FBXL17: variants seen among roughly 807,000 people sequenced by gnomAD.
FBXL17 encodes F-box/LRR-repeat protein 17.
In FBXL17, 22 loss-of-function variants were observed where a neutral mutation model predicts 66.2. The observed-to-expected ratio is 0.33, with a 90% CI of 0.24 to 0.47. FBXL17 has a LOEUF of 0.47. Among genes scored for constraint, FBXL17 ranks in the 20% least tolerant of loss-of-function variants. The pLI is 1.00. For missense variants in FBXL17, 878 were observed against 948.2 expected (o/e 0.93, Z 0.97); for synonymous variants, 474 against 400.5 (o/e 1.18, Z -2.19).
intron 5 of FBXL17, among the ~76,000 whole-genome samples, chr5:108,210,488 C>T (rs1281597784): frequency 1.3e-5 from 2 of 152,148 alleles, no homozygotes; most frequent in African/African-American, 4.8e-5. Context: ...TTAAATGTGT[C>T]CTAGAGATTC....
At chr5:108,295,669 AG>A (rs1758317454) in intron 4 of FBXL17, among the ~76,000 whole-genome samples, 2 of 152,030 alleles carry the variant, frequency 1.3e-5, no homozygotes, top group Non-Finnish European at 1.5e-5. Context: ...CAAACCTTCT[AG>A]TAATAAGAGA....
chr5:108,028,907 A>G (rs1367111011), intron 6 of FBXL17, among the ~76,000 whole-genome samples: 1 of 152,176 alleles, frequency 6.6e-6, no homozygotes, highest in Admixed American at 6.6e-5. Flanking sequence ...TTTTAGTAAT[A>G]CGAAAAAAAA....
At chr5:108,317,511 T>A (rs1208996941) in intron 4 of FBXL17, among the ~76,000 whole-genome samples, 4 of 151,060 alleles carry the variant, frequency 2.6e-5, no homozygotes, top group Admixed American at 6.6e-5. Context: ...ACTGAAAAAT[T>A]TTTGGAGATT....
At chr5:108,044,633 G>A (rs1207495795) in intron 6 of FBXL17, among the ~76,000 whole-genome samples, 3 of 152,088 alleles carry the variant, frequency 2.0e-5, no homozygotes, top group African/African-American at 7.2e-5. Flanking sequence ...GCTCAGCAGG[G>A]TAATATTAAC....
intron 6 of FBXL17, among the ~76,000 whole-genome samples, chr5:108,029,903 A>G (rs897924426): frequency 6.6e-6 from 1 of 152,114 alleles, no homozygotes; most frequent in Non-Finnish European, 1.5e-5. Context: ...TTCTCAGGCT[A>G]TCAGGCCATT....
At chr5:107,957,788 T>C (rs1200165367) in intron 7 of FBXL17, among the ~76,000 whole-genome samples, 1 of 152,144 alleles carries the variant, frequency 6.6e-6, no homozygotes, top group Admixed American at 6.5e-5. Flanking sequence ...ATTTAAAATA[T>C]AATTGTGGTA....
At chr5:108,288,863 T>C (rs962302838) in intron 4 of FBXL17, among the ~76,000 whole-genome samples, 4 of 152,100 alleles carry the variant, frequency 2.6e-5, no homozygotes, top group African/African-American at 9.6e-5. Flanking sequence ...TTTTAAACTA[T>C]GTACACTTAC....
At chr5:108,216,209 C>T (rs1754593225) in intron 5 of FBXL17, among the ~76,000 whole-genome samples, 1 of 151,772 alleles carries the variant, frequency 6.6e-6, no homozygotes, top group South Asian at 2.1e-4. Context: ...ATTTCAATAT[C>T]AGATTTTCCA....
chr5:108,135,741 G>C (rs1449129093), intron 6 of FBXL17, among the ~76,000 whole-genome samples: 2 of 152,082 alleles, frequency 1.3e-5, no homozygotes, highest in African/African-American at 2.4e-5. Context: ...AGGGCTTATG[G>C]AGTTCAGAAG....
Position 108,381,575 on chromosome 5 carries a change from G to A in FBXL17, c.117C>T (p.Ala39=). 2 of 1,447,530 alleles carry A rather than the reference G, an allele frequency of 1.4e-6. No homozygotes were observed. The highest frequency in any genetic ancestry group is 1.4e-5 in the South Asian group (1 of 72,390). The allele number at this position is 1,447,530 out of a possible 1,614,324, so 89.7% of individuals were successfully genotyped here. The change falls in exon 1 of 9, where the codon GCC becomes GCT. Residue 39 remains alanine, a synonymous_variant. Transcript: ENST00000542267. ...PLLRLPRRTP[A]KVPPQPAAPR... is the part of the protein sequence containing the mutation. ...GCGCCGCCGGCTGAGGGGGCACCTT[G>A]GCTGGGGTCCGGCGGGGCAGCCTGA...
intron 4 of FBXL17, among the ~76,000 whole-genome samples, chr5:108,341,326 T>C (rs1013564331): frequency 6.6e-6 from 1 of 152,106 alleles, no homozygotes; most frequent in Non-Finnish European, 1.5e-5. Context: ...ATCATGGGTA[T>C]CCACATACAT....
At chr5:108,014,814 T>C (rs565866090) in intron 7 of FBXL17, among the ~76,000 whole-genome samples, 2 of 152,310 alleles carry the variant, frequency 1.3e-5, no homozygotes, top group South Asian at 4.1e-4. Context: ...GGACTCACAG[T>C]TCCATGTGAC....
chr5:108,228,906 T>C lies in FBXL17; in HGVS notation c.1507-4678A>G, dbSNP rs372439976. Among the ~76,000 whole-genome samples, 43 of 152,240 alleles carry C rather than the reference T, an allele frequency of 2.8e-4. No homozygotes were observed. In the South Asian group the frequency reaches 7.1e-3, roughly 25 times the overall value. On this transcript the variant is annotated intron_variant, in intron 4 of 8. Coordinates refer to ENST00000542267, the MANE Select transcript of FBXL17 (RefSeq NM_001163315.3). The stretch of plus-strand genomic sequence containing the variant: ...CTCTTAACCGAGTTGCACACAAGAA[T>C]CACCAAAGAAGATTTCTAATTTAAT...
chr5:108,286,226 C>G (rs1757894933), intron 4 of FBXL17, among the ~76,000 whole-genome samples: 1 of 151,732 alleles, frequency 6.6e-6, no homozygotes, highest in South Asian at 2.1e-4. Flanking sequence ...CCTGGAAAAC[C>G]AGAACAAGAA....
intron 5 of FBXL17, among the ~76,000 whole-genome samples, chr5:108,209,286 A>G (rs1339875213): frequency 6.6e-6 from 1 of 152,102 alleles, no homozygotes; most frequent in Non-Finnish European, 1.5e-5. Context: ...CTCTCTTCCT[A>G]TCTGAATACT....
intron 7 of FBXL17, among the ~76,000 whole-genome samples, chr5:108,001,400 T>C (rs1310353040): frequency 6.6e-6 from 1 of 152,304 alleles, no homozygotes; most frequent in East Asian, 1.9e-4. Context: ...ATTATCACAA[T>C]AATAAAGGTA....
intron 6 of FBXL17, among the ~76,000 whole-genome samples, chr5:108,042,383 C>T (rs1747084616): frequency 6.6e-6 from 1 of 152,174 alleles, no homozygotes; most frequent in African/African-American, 2.4e-5. Flanking sequence ...AAGGATTCTT[C>T]ATGGTGTCCT....
intron 4 of FBXL17, among the ~76,000 whole-genome samples, chr5:108,273,848 C>G (rs1163277347): frequency 6.6e-6 from 1 of 151,436 alleles, no homozygotes; most frequent in African/African-American, 2.4e-5. Context: ...ATGTAGCAAA[C>G]CCATGGATAT....
At chr5:108,012,387 G>A (rs1354270118) in intron 7 of FBXL17, among the ~76,000 whole-genome samples, 1 of 152,120 alleles carries the variant, frequency 6.6e-6, no homozygotes, top group African/African-American at 2.4e-5. Context: ...GTATCAGCAT[G>A]GCAAAGTTAT....
Sources: gnomAD v4.1 joint callset for allele counts (sites outside exome capture counted in the v4.1 genomes callset) on GRCh38, gnomAD v4.1.1 for gene constraint, MANE v1.5 for transcripts, NCBI Gene and HGNC (gene_info 2026-07-23, HGNC 2026-07-21) for gene names.